The following LMX1B variants were observed in gnomAD, a reference collection of about 807,000 sequenced individuals.
LMX1B encodes LIM homeobox transcription factor 1 beta.
Under a neutral mutation model 51.4 loss-of-function variants are expected in LMX1B, and 12 were observed. The observed-to-expected ratio is 0.23, with a 90% CI of 0.15 to 0.38. The LOEUF (loss-of-function observed/expected upper bound fraction) is 0.38. Among genes scored for constraint, LMX1B ranks in the 10% least tolerant of loss-of-function variants. The pLI is 1.00. For synonymous variants in LMX1B, 237 were observed against 235.4 expected, an observed-to-expected ratio of 1.01 and a Z score of -0.06; for missense variants, 445 against 571.1, an observed-to-expected ratio of 0.78 and a Z score of 2.25.
intron 2 of LMX1B, among the ~76,000 whole-genome samples, chr9:126,629,878 G>T (rs1446330153): frequency 6.6e-6 from 1 of 151,848 alleles, no homozygotes; most frequent in African/African-American, 2.4e-5. Context: ...GGGTGTGGTG[G>T]CTCATGCCTG....
intron 2 of LMX1B, among the ~76,000 whole-genome samples, chr9:126,664,769 G>A (rs2118930327): frequency 6.6e-6 from 1 of 152,308 alleles, no homozygotes; most frequent in Non-Finnish European, 1.5e-5. Context: ...CACCTACTTA[G>A]GAGGCTGAGG....
Position 126,618,531 on chromosome 9 carries a change from C to CA in LMX1B, c.326+2970dup, listed in dbSNP as rs1201693435. The stretch of plus-strand genomic sequence containing the variant: ...CATGTGTGAGTTTTGGGGGCTCCTT[C>CA]AAAAAAAAGAAAAAGCAGCCTTTTC... On this transcript the variant is annotated intron_variant, in intron 2 of 7. Coordinates refer to ENST00000373474, the MANE Select transcript of LMX1B (RefSeq NM_001174147.2). The surrounding 1 kb of genome is among the most constrained non-coding windows in gnomAD (Gnocchi z 4.5). 3.8e-4 allele frequency among the ~76,000 whole-genome samples: 57 copies of CA among 151,678 alleles called. No homozygotes were observed. Among genetic ancestry groups the CA allele is most frequent in the Admixed American group, 2.9e-3 (45 of 15,270 alleles).
intron 2 of LMX1B, among the ~76,000 whole-genome samples, chr9:126,662,982 G>A (rs1231884948): frequency 6.6e-6 from 1 of 152,194 alleles, no homozygotes; most frequent in Non-Finnish European, 1.5e-5. Flanking sequence ...GGGTGGCGTT[G>A]GCAGTGGTGG....
Position 126,696,711 on chromosome 9 carries a change from T to C in LMX1B, c.*260T>C, listed in dbSNP as rs2030351666. The C allele has an allele frequency of 1.8e-6, 1 of 550,728 alleles. No individual in the cohort carries two copies. The highest frequency in any genetic ancestry group is 1.9e-5 in the African/African-American group (1 of 52,748). 34.1% of individuals were successfully genotyped at this position (550,728 alleles called of 1,614,324 possible). Reference sequence around the variant, plus strand: ...GGACCCAGAGCTCTCGGACGGCCACTCGCCTCCCAGCCCCACCTCGGCCTC... The same window carrying C: ...GGACCCAGAGCTCTCGGACGGCCACCCGCCTCCCAGCCCCACCTCGGCCTC... On this transcript the variant is annotated 3_prime_UTR_variant, in exon 8 of 8. Coordinates refer to ENST00000373474, the MANE Select transcript of LMX1B (RefSeq NM_001174147.2).
intron 3 of LMX1B, among the ~76,000 whole-genome samples, chr9:126,692,601 C>T (rs2030170398): frequency 6.6e-6 from 1 of 152,228 alleles, no homozygotes; most frequent in Non-Finnish European, 1.5e-5. Flanking sequence ...TGTGAGCCCA[C>T]GTGTATGTGG....
At chr9:126,681,402 C>A (rs141782957) in intron 2 of LMX1B, among the ~76,000 whole-genome samples, 15 of 152,246 alleles carry the variant, frequency 9.9e-5, no homozygotes, top group African/African-American at 1.2e-4. Flanking sequence ...TCCATCATTC[C>A]GGATGCTCAG....
intron 2 of LMX1B, among the ~76,000 whole-genome samples, chr9:126,617,082 G>C (rs1835316837): frequency 6.6e-6 from 1 of 152,234 alleles, no homozygotes; most frequent in African/African-American, 2.4e-5. Context: ...TCTAGTTCCG[G>C]GAGAGGGAGA....
intron 2 of LMX1B, among the ~76,000 whole-genome samples, chr9:126,666,736 C>G (rs538866976): frequency 6.6e-6 from 1 of 152,040 alleles, no homozygotes; most frequent in Non-Finnish European, 1.5e-5. Flanking sequence ...CTGAGCAGGC[C>G]GTGATGCAGT....
At chr9:126,614,699 A>C (rs2118820192) in intron 1 of LMX1B, 111 bp downstream of exon 1, 1 of 1,206,214 alleles carries the variant, frequency 8.3e-7, no homozygotes, top group Non-Finnish European at 1.1e-6. Flanking sequence ...TTTGCAGGAC[A>C]TGGGGAGGAG....
rs761602168 is a variant in LMX1B at position 126,693,297 on chromosome 9, G to A, written c.715G>A (p.Glu239Lys). The stretch of plus-strand genomic sequence containing the variant: ...GCGAAGAGCCTTCAAGGCCTCCTTC[G>A]AGGTCTCGTCGAAGCCTTGCCGAAA... ...QQRRAFKASF[E>K]VSSKPCRKVR... Residue 239 changes from glutamate (E) to lysine (K), a missense_variant, in exon 4 of 8, where the codon GAG (glutamate) becomes AAG (lysine). Transcript: ENST00000373474. The A allele has an allele frequency of 3.1e-6, 5 of 1,607,422 alleles. No homozygotes were observed. Among genetic ancestry groups the A allele is most frequent in the East Asian group, 2.2e-5 (1 of 44,458 alleles).
intron 2 of LMX1B, among the ~76,000 whole-genome samples, chr9:126,633,008 C>T (rs981493579): frequency 1.3e-5 from 2 of 152,244 alleles, no homozygotes; most frequent in Non-Finnish European, 2.9e-5. Flanking sequence ...GTCCCAGACA[C>T]TTGCCCACAT....
intron 2 of LMX1B, among the ~76,000 whole-genome samples, chr9:126,638,719 T>A (rs1171301634): frequency 6.6e-6 from 1 of 152,090 alleles, no homozygotes; most frequent in Non-Finnish European, 1.5e-5. Context: ...TTAGCTGTGC[T>A]CTTCGGAGCG....
chr9:126,615,921 T>G lies in LMX1B; in HGVS notation c.326+352T>G, dbSNP rs1453690532. Among the ~76,000 whole-genome samples, 1 of 152,090 alleles carries G rather than the reference T, an allele frequency of 6.6e-6. No individual in the cohort carries two copies. The highest frequency in any genetic ancestry group is 1.9e-4 in the East Asian group (1 of 5,172). ...ATTGATTTCCAAAGGAAAATAATGT[T>G]TTAGGGAGCCAGGCCTGGCGGACTG... On this transcript the variant is annotated intron_variant, in intron 2 of 7. Transcript: ENST00000373474. The surrounding 1 kb of genome is among the most constrained non-coding windows in gnomAD (Gnocchi z 6.0).
chr9:126,619,500 G>A (rs1413382394), intron 2 of LMX1B, among the ~76,000 whole-genome samples: 1 of 152,192 alleles, frequency 6.6e-6, no homozygotes, highest in East Asian at 1.9e-4. Context: ...GCTGCAGAGC[G>A]CCTGTCCTGG....
Position 126,618,760 on chromosome 9 carries a change from G to T in LMX1B, c.326+3191G>T, listed in dbSNP as rs1299220959. On this transcript the variant is annotated intron_variant, in intron 2 of 7. Coordinates refer to ENST00000373474, the MANE Select transcript of LMX1B (RefSeq NM_001174147.2). The surrounding 1 kb of genome is among the most constrained non-coding windows in gnomAD (Gnocchi z 4.5). ...CTCGTCTGGAAAGGGTTTTTATCCT[G>T]AAGAGGTGGAGAATTCCTGGAGGAG... 6.6e-6 allele frequency among the ~76,000 whole-genome samples: 1 copy of T among 152,162 alleles called. No individual in the cohort carries two copies. The highest frequency in any genetic ancestry group is 1.5e-5 in the Non-Finnish European group (1 of 68,018).
At chr9:126,620,128 A>G (rs1835379890) in intron 2 of LMX1B, among the ~76,000 whole-genome samples, 1 of 152,182 alleles carries the variant, frequency 6.6e-6, no homozygotes, top group African/African-American at 2.4e-5. Flanking sequence ...CCACACTGCC[A>G]ACAGGTTCTC....
chr9:126,675,016 T>C (rs907687744), intron 2 of LMX1B, among the ~76,000 whole-genome samples: 1 of 152,184 alleles, frequency 6.6e-6, no homozygotes, highest in African/African-American at 2.4e-5. Context: ...TGCCCTGTAA[T>C]AGAGGATCAG....
In LMX1B at chr9:126,695,517, G is replaced by A. The variant is rs1461380776; in HGVS notation, c.887-322G>A. Among the ~76,000 whole-genome samples, 1 of 152,220 alleles carries A rather than the reference G, an allele frequency of 6.6e-6. No homozygotes were observed. Among genetic ancestry groups the A allele is most frequent in the Non-Finnish European group, 1.5e-5 (1 of 68,040 alleles). ...TCTTCCCGGGGCCTTTTTGGCCTGG[G>A]TCTGGGACCTTGGTGCTCCCAGATG... is the stretch of plus-strand genomic sequence containing the variant. On this transcript the variant is annotated intron_variant, in intron 6 of 7. Transcript: ENST00000373474. This position sits in a 1 kb window ranked among gnomAD's most constrained non-coding sequence, Gnocchi z 5.2.
In LMX1B at chr9:126,626,071, G is replaced by A. The variant is rs1356809933; in HGVS notation, c.326+10502G>A. Among the ~76,000 whole-genome samples the A allele has an allele frequency of 1.3e-5, 2 of 152,248 alleles. No individual in the cohort carries two copies. Among genetic ancestry groups the A allele is most frequent in the South Asian group, 2.1e-4 (1 of 4,832 alleles). On this transcript the variant is annotated intron_variant, in intron 2 of 7. Coordinates refer to ENST00000373474, the MANE Select transcript of LMX1B (RefSeq NM_001174147.2). This position sits in a 1 kb window ranked among gnomAD's most constrained non-coding sequence, Gnocchi z 4.3. ...GACATGGGGGTGGGGAGCTCGTGGG[G>A]TTTCAGCCCAAAGGCTCCAGTCAGT...
Sources: allele counts gnomAD v4.1 joint callset (sites outside exome capture counted in the v4.1 genomes callset), GRCh38; gene constraint gnomAD v4.1.1; non-coding constraint Gnocchi (gnomAD v3.1); transcripts MANE v1.5; gene names NCBI Gene and HGNC (gene_info 2026-07-23, HGNC 2026-07-21).